The following TRPM3 variants were observed in gnomAD, a reference collection of about 807,000 sequenced individuals.
TRPM3 encodes long transient receptor potential channel 3.
Under a neutral mutation model 181.2 loss-of-function variants are expected in TRPM3, and 77 were observed. That is an observed-to-expected ratio of 0.42 (90% CI 0.35 to 0.51). TRPM3 has a LOEUF of 0.51. Among genes scored for constraint, TRPM3 ranks in the 20% least tolerant of loss-of-function variants. The pLI is 0.01. For missense variants in TRPM3, 1,759 were observed against 2,196.7 expected, an observed-to-expected ratio of 0.80 and a Z score of 3.98; for synonymous variants, 745 against 796.4, an observed-to-expected ratio of 0.94 and a Z score of 1.09.
intron 25 of TRPM3, among the ~76,000 whole-genome samples, chr9:70,538,621 G>A (rs1462997146): frequency 6.9e-6 from 1 of 145,968 alleles, no homozygotes; most frequent in African/African-American, 2.5e-5. Flanking sequence ...AGAGACAGGG[G>A]CTTGCTGTGT....
Position 70,867,522 on chromosome 9 carries a change from G to T in TRPM3, c.178-3011C>A, listed in dbSNP as rs1317382983. Among the ~76,000 whole-genome samples the T allele has an allele frequency of 2.6e-5, 4 of 152,036 alleles. No individual in the cohort carries two copies. In the East Asian group the frequency reaches 7.8e-4, roughly 29 times the overall value. ...AACGCTACATCATTGTTAGCAAAAA[G>T]ACTGAGAATCGTTTCTATATCTTAT... On this transcript the variant is annotated intron_variant, in intron 1 of 25. Coordinates refer to ENST00000677713, the MANE Select transcript of TRPM3 (RefSeq NM_001366145.2).
At chr9:71,368,595 T>C (rs2092414270) in intron 1 of TRPM3, among the ~76,000 whole-genome samples, 1 of 152,208 alleles carries the variant, frequency 6.6e-6, no homozygotes, top group African/African-American at 2.4e-5. Context: ...TGAATGAATT[T>C]TATAATGCTT....
intron 7 of TRPM3, among the ~76,000 whole-genome samples, chr9:70,781,345 A>AAG (rs1564254410): frequency 6.8e-6 from 1 of 146,398 alleles, no homozygotes; most frequent in Non-Finnish European, 1.5e-5. Flanking sequence ...AAAAAAAAAA[A>AAG]AAAAGAAAAC....
At chr9:70,941,095 T>A (rs575128444) in intron 1 of TRPM3, among the ~76,000 whole-genome samples, 2 of 152,190 alleles carry the variant, frequency 1.3e-5, no homozygotes, top group Non-Finnish European at 2.9e-5. Context: ...TCAATTGGAT[T>A]GAAGGATGCA....
intron 1 of TRPM3, among the ~76,000 whole-genome samples, chr9:71,394,830 A>G (rs1196981147): frequency 6.6e-6 from 1 of 152,238 alleles, no homozygotes; most frequent in Non-Finnish European, 1.5e-5. Flanking sequence ...GTGTCAATAT[A>G]CAAACCTTCA....
intron 1 of TRPM3, among the ~76,000 whole-genome samples, chr9:71,143,133 GAA>G (rs1168348435): frequency 9.2e-6 from 1 of 108,834 alleles, no homozygotes. Flanking sequence ...CCAAAAAAAA[GAA>G]AAAAAAAAAA....
chr9:71,398,394 C>A (rs908594837), intron 1 of TRPM3, among the ~76,000 whole-genome samples: 5 of 152,208 alleles, frequency 3.3e-5, no homozygotes, highest in Middle Eastern at 3.4e-3. Flanking sequence ...CTATAAATCA[C>A]TGATATGGTT....
At chr9:71,301,861 G>C (rs1029239394) in intron 1 of TRPM3, among the ~76,000 whole-genome samples, 13 of 152,102 alleles carry the variant, frequency 8.5e-5, no homozygotes, top group African/African-American at 4.8e-5. Flanking sequence ...CTAGCATATA[G>C]TAGATGCTTC....
intron 1 of TRPM3, among the ~76,000 whole-genome samples, chr9:71,296,140 A>G (rs2086241785): frequency 6.6e-6 from 1 of 152,182 alleles, no homozygotes; most frequent in African/African-American, 2.4e-5. Flanking sequence ...CTTTACATAC[A>G]GTTTCTCTTT....
At chr9:70,578,838 G>A (rs1336974310) in intron 22 of TRPM3, among the ~76,000 whole-genome samples, 1 of 152,178 alleles carries the variant, frequency 6.6e-6, no homozygotes, top group Non-Finnish European at 1.5e-5. Flanking sequence ...ATTTTGGGTG[G>A]GATAATTCTT....
At chr9:71,412,058 A>C (rs2093560211) in intron 1 of TRPM3, among the ~76,000 whole-genome samples, 1 of 152,246 alleles carries the variant, frequency 6.6e-6, no homozygotes, top group Admixed American at 6.5e-5. Flanking sequence ...TAGAAAGCTG[A>C]AACTGGATCC....
chr9:71,166,941 G>T (rs1356962823), intron 1 of TRPM3, among the ~76,000 whole-genome samples: 1 of 152,110 alleles, frequency 6.6e-6, no homozygotes, highest in East Asian at 1.9e-4. Context: ...GAAATAATAT[G>T]AAAATGTCCC....
chr9:71,262,906 C>T (rs982667264), intron 1 of TRPM3, among the ~76,000 whole-genome samples: 15 of 152,188 alleles, frequency 9.9e-5, no homozygotes, highest in East Asian at 9.6e-4. Context: ...AGAAATCACC[C>T]GCCTTCTGCA....
intron 4 of TRPM3, among the ~76,000 whole-genome samples, chr9:70,845,006 G>T (rs550911259): frequency 6.6e-6 from 1 of 152,286 alleles, no homozygotes; most frequent in South Asian, 2.1e-4. Flanking sequence ...TACAGGATAA[G>T]GAGTAAAGAG....
intron 1 of TRPM3, among the ~76,000 whole-genome samples, chr9:71,349,302 G>C (rs1249832523): frequency 6.6e-6 from 1 of 152,164 alleles, no homozygotes; most frequent in Non-Finnish European, 1.5e-5. Context: ...TTCAATATCA[G>C]GACCTTGTAC....
rs1162577364 is a variant in TRPM3 at position 71,059,011 on chromosome 9, ATTTTTTTTTTT to A, written c.177+62156_177+62166del. Reference sequence around the variant, plus strand: ...ATTTCTCTGAAGTTTTTGTTTGTTCATTTTTTTTTTTTTTTTTTTTTTTTTTTTTTACCAGT... The same window carrying A: ...ATTTCTCTGAAGTTTTTGTTTGTTCATTTTTTTTTTTTTTTTTTTACCAGT... On this transcript the variant is annotated intron_variant, in intron 1 of 25. Transcript: ENST00000677713. 4.6e-4 allele frequency among the ~76,000 whole-genome samples: 24 copies of A among 52,640 alleles called. No individual in the cohort carries two copies. In the South Asian group the frequency reaches 0.014, roughly 32 times the overall value. 34.5% of individuals were successfully genotyped at this position (52,640 alleles called of 152,430 possible). A position where few individuals can be genotyped will look rare whatever the true frequency, so the allele number is the denominator to read the frequency against.
intron 22 of TRPM3, among the ~76,000 whole-genome samples, chr9:70,571,584 A>G (rs898686700): frequency 6.6e-6 from 1 of 152,064 alleles, no homozygotes; most frequent in Non-Finnish European, 1.5e-5. Flanking sequence ...TTGACTTACA[A>G]AAAAGGTAGT....
chr9:71,428,877 ATT>A (rs2093913828), intron 1 of TRPM3, among the ~76,000 whole-genome samples: 1 of 151,616 alleles, frequency 6.6e-6, no homozygotes. Context: ...TTGCTTCTTA[ATT>A]TAAAAGCAAG....
intron 1 of TRPM3, among the ~76,000 whole-genome samples, chr9:71,421,009 A>AAAGAGAGAGAAAAAGAGAGAGAAAAAG (rs1563912773): frequency 7.9e-6 from 1 of 126,600 alleles, no homozygotes; most frequent in African/African-American, 3.0e-5. Context: ...AAGAGAGAAA[A>AAAGAGAGAGAAAAAGAGAGAGAAAAAG]AGAGAGAAAA....
Sources: allele counts gnomAD v4.1 joint callset (sites outside exome capture counted in the v4.1 genomes callset), GRCh38; gene constraint gnomAD v4.1.1; transcripts MANE v1.5; gene names NCBI Gene and HGNC (gene_info 2026-07-23, HGNC 2026-07-21).